TRAPPC9: variants seen among roughly 807,000 people sequenced by gnomAD.
TRAPPC9 encodes IKK2 binding protein.
A neutral mutation model predicts 124.0 loss-of-function variants in TRAPPC9; 83 were observed. The ratio of observed to expected loss-of-function variants is 0.67; its 90% confidence interval spans 0.56 to 0.80. The LOEUF (loss-of-function observed/expected upper bound fraction) is 0.80, where lower values mean the gene tolerates loss of function less well. Ranked by LOEUF, TRAPPC9 falls within the 30% of genes least tolerant of loss-of-function variation. The pLI, the probability that TRAPPC9 is intolerant of heterozygous loss-of-function variation, is 0.00. For synonymous variants in TRAPPC9, 638 were observed against 617.5 expected (o/e 1.03, Z -0.49); for missense variants, 1,302 against 1,508.3 (o/e 0.86, Z 2.27).
At chr8:139,963,124 T>C (rs1051427538) in intron 19 of TRAPPC9, among the ~76,000 whole-genome samples, 1 of 152,234 alleles carries the variant, frequency 6.6e-6, no homozygotes, top group Non-Finnish European at 1.5e-5. Context: ...TGATATTTAA[T>C]GTGGCCTGCA....
chr8:140,457,458 G>A (rs2071721324), intron 1 of TRAPPC9, among the ~76,000 whole-genome samples, 181 bp downstream of exon 1: 1 of 152,200 alleles, frequency 6.6e-6, no homozygotes. Flanking sequence ...GGCGCCTCGA[G>A]CAGGTGCACG....
intron 21 of TRAPPC9, among the ~76,000 whole-genome samples, chr8:139,770,236 C>T (rs1049090252): frequency 1.1e-4 from 17 of 152,218 alleles, no homozygotes; most frequent in African/African-American, 1.4e-4. Flanking sequence ...GGAGCCCAGA[C>T]GCCCCGGAGA....
At chr8:140,072,913 T>A (rs1587646997) in intron 17 of TRAPPC9, among the ~76,000 whole-genome samples, 2 of 152,214 alleles carry the variant, frequency 1.3e-5, no homozygotes, top group East Asian at 3.9e-4. Context: ...AACAGACACT[T>A]CAGAAAGGAA....
Position 140,451,370 on chromosome 8 carries a change from T to G in TRAPPC9, c.4A>C (p.Ser2Arg). Residue 2 changes from serine (S) to arginine (R), a missense_variant, in exon 2 of 23, where the codon AGC becomes CGC. Transcript: ENST00000438773. ...GCACACTGCATGTAGTCAGGGACGC[T>G]CATTTTGAAGTCCCTGTTCAGAGAG... Reference protein sequence around the residue: MSVPDYMQCAED... With the variant: MRVPDYMQCAED... The G allele has an allele frequency of 6.2e-7, 1 of 1,602,078 alleles. No homozygotes were observed. Among genetic ancestry groups the G allele is most frequent in the Non-Finnish European group, 8.5e-7 (1 of 1,179,802 alleles).
chr8:140,020,615 G>A (rs926243877), intron 18 of TRAPPC9, among the ~76,000 whole-genome samples: 2 of 151,816 alleles, frequency 1.3e-5, no homozygotes, highest in African/African-American at 4.8e-5. Context: ...AATGGAGTGA[G>A]ATTCTATCTC....
At chr8:139,848,701 A>G (rs1358599970) in intron 21 of TRAPPC9, among the ~76,000 whole-genome samples, 1 of 152,120 alleles carries the variant, frequency 6.6e-6, no homozygotes, top group Non-Finnish European at 1.5e-5. Flanking sequence ...ATATACTTAG[A>G]TGAATTACAG....
intron 19 of TRAPPC9, among the ~76,000 whole-genome samples, chr8:139,929,028 C>A (rs913040700): frequency 6.6e-6 from 1 of 152,126 alleles, no homozygotes; most frequent in Non-Finnish European, 1.5e-5. Flanking sequence ...TGGTGCTGTG[C>A]ACGCCAATGG....
chr8:140,210,169 C>A (rs1273555354), intron 17 of TRAPPC9, among the ~76,000 whole-genome samples: 1 of 152,222 alleles, frequency 6.6e-6, no homozygotes, highest in Admixed American at 6.5e-5. Flanking sequence ...AGCAGAGGGG[C>A]CGGAACCGTG....
chr8:140,331,134 T>TA (rs1045625361), intron 9 of TRAPPC9, among the ~76,000 whole-genome samples: 85 of 139,698 alleles, frequency 6.1e-4, no homozygotes, highest in Admixed American at 7.9e-4. Context: ...GTAGACCAAT[T>TA]AAAAAAAAAA....
In TRAPPC9 at chr8:139,730,718, G is replaced by T; in HGVS notation, c.*343C>A. 1 of 345,738 alleles carries T rather than the reference G, an allele frequency of 2.9e-6. No individual in the cohort carries two copies. Among genetic ancestry groups the T allele is most frequent in the Admixed American group, 4.3e-5 (1 of 23,210 alleles). 21.4% of individuals were successfully genotyped at this position (345,738 alleles called of 1,614,324 possible). A position where few individuals can be genotyped will look rare whatever the true frequency, so the allele number is the denominator to read the frequency against. On this transcript the variant is annotated 3_prime_UTR_variant, in exon 23 of 23. Coordinates refer to ENST00000438773, the MANE Select transcript of TRAPPC9 (RefSeq NM_001160372.4). ...GAGGGAGGTCCCTCTGCTGGGATGAGCAGCACAGCACGGCTGGGGCCCCAG... is the reference window on the plus strand; with the variant it reads ...GAGGGAGGTCCCTCTGCTGGGATGATCAGCACAGCACGGCTGGGGCCCCAG...
At chr8:140,050,858 G>T (rs959997949) in intron 17 of TRAPPC9, among the ~76,000 whole-genome samples, 5 of 152,174 alleles carry the variant, frequency 3.3e-5, no homozygotes, top group African/African-American at 1.2e-4. Flanking sequence ...GGGCCACACA[G>T]CCCTGCACAG....
At chr8:139,844,437 T>C (rs1022593507) in intron 21 of TRAPPC9, among the ~76,000 whole-genome samples, 3 of 152,212 alleles carry the variant, frequency 2.0e-5, no homozygotes, top group African/African-American at 7.2e-5. Context: ...CTTTTCTATT[T>C]CGTCAAGACG....
At chr8:140,336,591 C>T (rs2067047806) in intron 9 of TRAPPC9, among the ~76,000 whole-genome samples, 1 of 152,212 alleles carries the variant, frequency 6.6e-6, no homozygotes, top group Admixed American at 6.5e-5. Context: ...TCCCTGTCTA[C>T]TCTGACACTG....
chr8:140,454,653 A>AC (rs1315603660), intron 1 of TRAPPC9, among the ~76,000 whole-genome samples: 1 of 149,970 alleles, frequency 6.7e-6, no homozygotes, highest in African/African-American at 2.5e-5. Context: ...AAAAAAAAAA[A>AC]AAAAAAACAC....
intron 17 of TRAPPC9, among the ~76,000 whole-genome samples, chr8:140,206,911 C>T (rs1343812021): frequency 2.6e-5 from 4 of 152,100 alleles, no homozygotes; most frequent in African/African-American, 7.2e-5. Flanking sequence ...AAGCATCTGT[C>T]GAGCACCCGT....
At chr8:140,157,608 T>G (rs893094102) in intron 17 of TRAPPC9, among the ~76,000 whole-genome samples, 23 of 152,142 alleles carry the variant, frequency 1.5e-4, no homozygotes, top group African/African-American at 5.6e-4. Context: ...AAAATCCAAC[T>G]CATTTTCAAT....
chr8:139,791,759 G>A (rs953533558), intron 21 of TRAPPC9, among the ~76,000 whole-genome samples: 45 of 152,226 alleles, frequency 3.0e-4, no homozygotes, highest in African/African-American at 1.0e-3. Context: ...CTCTGTCCTC[G>A]CCCAGCTGGG....
chr8:140,220,875 C>G (rs1028432619), intron 17 of TRAPPC9, among the ~76,000 whole-genome samples: 3 of 152,202 alleles, frequency 2.0e-5, no homozygotes, highest in African/African-American at 7.2e-5. Context: ...TCCTCCTGCT[C>G]TACACGCTGT....
At chr8:140,388,267 T>C (rs1320269295) in intron 7 of TRAPPC9, among the ~76,000 whole-genome samples, 5 of 145,640 alleles carry the variant, frequency 3.4e-5, no homozygotes, top group Non-Finnish European at 6.0e-5. Context: ...TTAGGAGACA[T>C]ACCTAATGTA....
Sources: gnomAD v4.1 joint callset for allele counts (sites outside exome capture counted in the v4.1 genomes callset) on GRCh38, gnomAD v4.1.1 for gene constraint, MANE v1.5 for transcripts, NCBI Gene and HGNC (gene_info 2026-07-23, HGNC 2026-07-21) for gene names.